TBC1D14: variants seen among roughly 807,000 people sequenced by gnomAD.
The protein encoded by TBC1D14 is TBC1 domain family member 14, also known as TBC1 domain family, member 14.
A neutral mutation model predicts 79.0 loss-of-function variants in TBC1D14; 26 were observed. The ratio of observed to expected loss-of-function variants is 0.33; its 90% CI spans 0.24 to 0.46. The LOEUF (loss-of-function observed/expected upper bound fraction) is 0.46, where lower values mean the gene tolerates loss of function less well. Among genes scored for constraint, TBC1D14 ranks in the 20% least tolerant of loss-of-function variants. The pLI is 1.00. For missense variants in TBC1D14, 769 were observed against 887.6 expected (o/e 0.87, Z 1.70); for synonymous variants, 394 against 349.9 (o/e 1.13, Z -1.40).
intron 7 of TBC1D14, among the ~76,000 whole-genome samples, chr4:7,002,879 G>GAA (rs1248072077): frequency 6.6e-6 from 1 of 152,090 alleles, no homozygotes; most frequent in Non-Finnish European, 1.5e-5. Context: ...TTGACAGTGC[G>GAA]ACCTTGACCT....
chr4:6,977,850 G>C (rs1368067812), intron 3 of TBC1D14, among the ~76,000 whole-genome samples: 1 of 150,782 alleles, frequency 6.6e-6, no homozygotes, highest in Non-Finnish European at 1.5e-5. Context: ...GTCTCTGCCC[G>C]GCCGCCCATC....
rs1404027182 is a variant in TBC1D14 at position 6,923,677 on chromosome 4, C to A, written c.288C>A (p.Ile96=). 2 of 1,613,710 alleles carry A rather than the reference C, an allele frequency of 1.2e-6. No homozygotes were observed. The highest frequency in any genetic ancestry group is 1.7e-6 in the Non-Finnish European group (2 of 1,180,038). The change falls in exon 2 of 14, where the codon ATC becomes ATA. Residue 96 remains isoleucine (I), a synonymous_variant. Coordinates refer to ENST00000409757, the MANE Select transcript of TBC1D14 (RefSeq NM_020773.3). ...VRRKQSDSDL[I]PERAFQSACA... ...GGAAGCAGTCCGACTCCGACCTCAT[C>A]CCCGAGCGGGCCTTCCAGAGCGCCT...
Position 7,009,891 on chromosome 4 carries a change from T to C in TBC1D14, c.1461T>C (p.His487=). Residue 487 remains histidine, a synonymous_variant, in exon 10 of 14, where the codon CAT becomes CAC. Transcript: ENST00000409757. The stretch of plus-strand genomic sequence containing the variant: ...GATCCTTTTAGGGTGGTCCATATCA[T>C]GACATGTTGCACAGTATTTTGGGCG... The part of the protein sequence containing the change: ...LCIFQQGGPY[H]DMLHSILGAY... 1.2e-6 allele frequency: 2 copies of C among 1,614,216 alleles called. No individual in the cohort carries two copies. Among genetic ancestry groups the C allele is most frequent in the Non-Finnish European group, 1.7e-6 (2 of 1,180,034 alleles).
At chr4:7,010,578 C>G (rs1720653181) in intron 10 of TBC1D14, 75 bp from the exon 11 acceptor site, 6 of 1,540,024 alleles carry the variant, frequency 3.9e-6, no homozygotes, top group South Asian at 1.3e-5. Flanking sequence ...GTAGGTTTGT[C>G]TTTGCTAAAA....
chr4:6,910,034 G>A (rs933391330), intron 1 of TBC1D14, 83 bp downstream of exon 1: 2 of 147,750 alleles, frequency 1.4e-5, no homozygotes, highest in African/African-American at 4.9e-5. Context: ...CTGCAGCGCC[G>A]GCCGAGGCGG....
chr4:7,002,950 G>A (rs1365841961), intron 7 of TBC1D14, among the ~76,000 whole-genome samples: 3 of 152,146 alleles, frequency 2.0e-5, no homozygotes, highest in African/African-American at 7.2e-5. Flanking sequence ...CAGGTCTCTG[G>A]CTCGTGTGTG....
chr4:6,986,916 C>T (rs1344234625), intron 3 of TBC1D14, among the ~76,000 whole-genome samples: 1 of 152,246 alleles, frequency 6.6e-6, no homozygotes, highest in East Asian at 1.9e-4. Flanking sequence ...CACAATCACC[C>T]CGCCACCCAG....
At chr4:6,934,410 A>T (rs531319030) in intron 2 of TBC1D14, among the ~76,000 whole-genome samples, 175 of 152,178 alleles carry the variant, frequency 1.1e-3, no homozygotes, top group African/African-American at 3.9e-3. Flanking sequence ...GAGGACTCAG[A>T]ATTGACTGTT....
At chr4:6,940,075 C>T (rs11723686) in intron 2 of TBC1D14, among the ~76,000 whole-genome samples, 69,111 of 151,890 alleles carry the variant, frequency 0.46, 15,808 homozygotes, top group Middle Eastern at 0.52. Context: ...TGGGGCGCAG[C>T]TGGTGCTTTA....
At chr4:6,948,970 G>A (rs1434684152) in intron 2 of TBC1D14, among the ~76,000 whole-genome samples, 2 of 151,774 alleles carry the variant, frequency 1.3e-5, no homozygotes, top group African/African-American at 4.8e-5. Flanking sequence ...GGCCGAGGCG[G>A]GTGGATCACC....
At chr4:7,001,329 G>A in intron 7 of TBC1D14, 78 bp downstream of exon 7, 1 of 1,230,642 alleles carries the variant, frequency 8.1e-7, no homozygotes, top group Non-Finnish European at 1.2e-6. Context: ...CTGTTGGAAA[G>A]AATGGCAGCC....
chr4:6,909,753 G>A (rs372819697), upstream of TBC1D14: 12 of 147,884 alleles, frequency 8.1e-5, no homozygotes, highest in East Asian at 1.4e-3. Context: ...GTGGGGGCGT[G>A]CCCAGGGGGC....
At chr4:7,025,359 C>T (rs1722255170) in intron 13 of TBC1D14, 97 bp downstream of exon 13, 1 of 1,536,708 alleles carries the variant, frequency 6.5e-7, no homozygotes, top group Non-Finnish European at 8.8e-7. Context: ...AGGACGTAGC[C>T]CCTTTGATGG....
chr4:6,923,721 C>G lies in TBC1D14; in HGVS notation c.332C>G (p.Ala111Gly). ...FQSACALPSC[A>G]PPAPSSTERE... ...AGCGCCTGCGCGCTGCCATCCTGTG[C>G]GCCACCAGCTCCTAGCAGCACCGAG... Residue 111 changes from alanine to glycine, a missense_variant, in exon 2 of 14, where the codon GCG (alanine) becomes GGG (glycine). Physicochemically the swap from Ala to Gly is moderately conservative, Grantham distance 60. This residue lies in a region of TBC1D14 where 402 missense variants were observed against 393.2 expected (regional missense o/e 1.02). Coordinates refer to ENST00000409757, the MANE Select transcript of TBC1D14 (RefSeq NM_020773.3). 1 of 1,613,908 alleles carries G rather than the reference C, an allele frequency of 6.2e-7. No homozygotes were observed. The highest frequency in any genetic ancestry group is 1.1e-5 in the South Asian group (1 of 91,086).
intron 3 of TBC1D14, among the ~76,000 whole-genome samples, chr4:6,978,509 A>G (rs1717037177): frequency 1.3e-5 from 2 of 149,748 alleles, no homozygotes; most frequent in Admixed American, 6.6e-5. Context: ...GGGCGGTGCA[A>G]GATGTGCTTT....
chr4:7,017,168 C>T (rs916987884), intron 12 of TBC1D14, among the ~76,000 whole-genome samples: 31 of 152,086 alleles, frequency 2.0e-4, no homozygotes, highest in African/African-American at 7.5e-4. Context: ...GGCATGGTGG[C>T]GCGTACCTGT....
Position 6,923,748 on chromosome 4 carries a change from G to A in TBC1D14, c.359G>A (p.Arg120Gln), listed in dbSNP as rs760378685. Residue 120 changes from arginine (R) to glutamine (Q), a missense_variant, in exon 2 of 14, where the codon CGG (arginine) becomes CAG (glutamine). This residue lies in a region of TBC1D14 where 402 missense variants were observed against 393.2 expected (regional missense o/e 1.02). Coordinates refer to ENST00000409757, the MANE Select transcript of TBC1D14 (RefSeq NM_020773.3). ...CCACCAGCTCCTAGCAGCACCGAGC[G>A]GGAACAGAGCGTGCGCAAATCCTCC... Reference protein sequence around the residue: ...CAPPAPSSTEREQSVRKSSTF... With the variant: ...CAPPAPSSTEQEQSVRKSSTF... The A allele has an allele frequency of 8.1e-6, 13 of 1,614,004 alleles. No homozygotes were observed. The highest frequency in any genetic ancestry group is 4.0e-5 in the African/African-American group (3 of 75,060).
intron 2 of TBC1D14, among the ~76,000 whole-genome samples, chr4:6,966,858 G>A (rs1054623056): frequency 1.3e-5 from 2 of 152,222 alleles, no homozygotes; most frequent in Non-Finnish European, 2.9e-5. Context: ...CACCCAGGCT[G>A]GAGTGCAGTG....
intron 2 of TBC1D14, among the ~76,000 whole-genome samples, chr4:6,955,437 CAT>C (rs1254462289): frequency 6.6e-6 from 1 of 152,164 alleles, no homozygotes; most frequent in African/African-American, 2.4e-5. Context: ...GGATGTAAAA[CAT>C]AGGTAAAGTG....
Sources: allele counts gnomAD v4.1 joint callset (sites outside exome capture counted in the v4.1 genomes callset), GRCh38; gene constraint gnomAD v4.1.1; regional missense constraint gnomAD v4.1.1; transcripts MANE v1.5; gene names NCBI Gene and HGNC (gene_info 2026-07-23, HGNC 2026-07-21).